Variants in LCMT1 observed in about 807,000 individuals in gnomAD.
The protein encoded by LCMT1 is leucine carboxyl methyltransferase 1.
LCMT1 carries 32 observed loss-of-function variants against 47.7 expected under a neutral mutation model. That is an observed-to-expected ratio of 0.67 (90% CI 0.51 to 0.90). The LOEUF (loss-of-function observed/expected upper bound fraction) is 0.90. Among genes scored for constraint, LCMT1 ranks in the 40% least tolerant of loss-of-function variants. The pLI is 0.00. For synonymous variants in LCMT1, 152 were observed against 149.7 expected, an observed-to-expected ratio of 1.02 and a Z score of -0.11; for missense variants, 375 against 415.2, an observed-to-expected ratio of 0.90 and a Z score of 0.84.
chr16:25,178,071 C>T lies in LCMT1; in HGVS notation c.*48C>T. The T allele has an allele frequency of 6.2e-7, 1 of 1,601,212 alleles. No individual in the cohort carries two copies. Among genetic ancestry groups the T allele is most frequent in the South Asian group, 1.1e-5 (1 of 90,346 alleles). On this transcript the variant is annotated 3_prime_UTR_variant, in exon 11 of 11. Transcript: ENST00000399069. ...CCAGAAGCCGAAGCCACTTGCCCTC[C>T]TGGAGGAGACCTGCAAGCTCCCTGA... is the stretch of plus-strand genomic sequence containing the variant.
intron 3 of LCMT1, among the ~76,000 whole-genome samples, chr16:25,135,294 T>A (rs1960471690): frequency 2.1e-5 from 2 of 93,330 alleles, no homozygotes; most frequent in African/African-American, 5.9e-5. Flanking sequence ...AATATATATC[T>A]ATATATATAT....
rs1961732710 is a variant in LCMT1, at chr16:25,170,710, T to C, written c.793-4T>C. The C allele has an allele frequency of 1.2e-6, 2 of 1,611,458 alleles. No individual in the cohort carries two copies. Among genetic ancestry groups the C allele is most frequent in the Non-Finnish European group, 8.5e-7 (1 of 1,178,112 alleles). ...TCTCCATTTCTCTTCGTTGCACATT[T>C]TAGAAAGAACGGCTCCTGTCGAATG... On this transcript the variant is annotated splice_region_variant and splice_polypyrimidine_tract_variant and intron_variant, in intron 8 of 10. Transcript: ENST00000399069.
chr16:25,160,954 G>T (rs1961412443), intron 5 of LCMT1, 148 bp from the exon 6 acceptor site: 1 of 608,252 alleles, frequency 1.6e-6, no homozygotes, highest in Non-Finnish European at 2.9e-6. Context: ...TGGAAGATAG[G>T]ATTTTGGTTA....
chr16:25,128,665 G>A (rs889930566), intron 2 of LCMT1, 99 bp downstream of exon 2: 23 of 818,528 alleles, frequency 2.8e-5, no homozygotes, highest in Non-Finnish European at 4.1e-5. Flanking sequence ...CTTTCCAGCT[G>A]TGCGCAAAAG....
At chr16:25,154,233 C>T (rs1417993973) in intron 5 of LCMT1, among the ~76,000 whole-genome samples, 1 of 151,466 alleles carries the variant, frequency 6.6e-6, no homozygotes, top group Admixed American at 6.6e-5. Flanking sequence ...AGGCTGGTCT[C>T]GAACTGCTAA....
chr16:25,139,964 C>T (rs1210677224), intron 3 of LCMT1: 24 of 545,468 alleles, frequency 4.4e-5, no homozygotes, highest in Non-Finnish European at 7.9e-5. Flanking sequence ...GCTGACTCCT[C>T]TGGCTTCCTG....
intron 1 of LCMT1, among the ~76,000 whole-genome samples, chr16:25,113,850 A>G (rs562444558): frequency 2.0e-5 from 3 of 152,282 alleles, no homozygotes; most frequent in African/African-American, 4.8e-5. Flanking sequence ...TGGCCAGGCT[A>G]GTTTCGAACT....
chr16:25,169,261 A>G, intron 8 of LCMT1, 48 bp downstream of exon 8: 1 of 1,197,068 alleles, frequency 8.4e-7, no homozygotes, highest in Non-Finnish European at 1.2e-6. Flanking sequence ...TAGTCAACCA[A>G]GATATATAAA....
At chr16:25,164,068 A>G (rs1397462957) in intron 6 of LCMT1, among the ~76,000 whole-genome samples, 14 of 152,166 alleles carry the variant, frequency 9.2e-5, no homozygotes, top group Non-Finnish European at 1.5e-5. Context: ...CTTCTCTTCC[A>G]CAGGTCTTCT....
chr16:25,129,301 GA>G (rs199746649), intron 2 of LCMT1, among the ~76,000 whole-genome samples: 5 of 138,284 alleles, frequency 3.6e-5, no homozygotes, highest in South Asian at 2.3e-4. Flanking sequence ...GAGTAAAAAA[GA>G]AAAAAAAAAG....
intron 2 of LCMT1, among the ~76,000 whole-genome samples, chr16:25,129,972 G>C (rs962446448): frequency 2.0e-5 from 3 of 152,074 alleles, no homozygotes; most frequent in Non-Finnish European, 4.4e-5. Flanking sequence ...TGTGAGACCT[G>C]GTAATTCTCA....
chr16:25,170,151 T>C (rs1961712948), intron 8 of LCMT1, among the ~76,000 whole-genome samples: 1 of 152,004 alleles, frequency 6.6e-6, no homozygotes, highest in Non-Finnish European at 1.5e-5. Flanking sequence ...ACCTGGGAGA[T>C]GGAGGTTGCA....
In LCMT1 at chr16:25,153,724, G is replaced by A. The variant is rs183400457; in HGVS notation, c.466+2109G>A. On this transcript the variant is annotated intron_variant, in intron 5 of 10. Coordinates refer to ENST00000399069, the MANE Select transcript of LCMT1 (RefSeq NM_016309.3). ...TCCCAGCATTTTGGGAGGCCGAGGC[G>A]GGTGGATCACCTGAGGTCAGGGGTT... is the stretch of plus-strand genomic sequence containing the variant. Among the ~76,000 whole-genome samples the A allele has an allele frequency of 5.1e-3, 778 of 152,086 alleles. 13 individuals are homozygous for A. Among genetic ancestry groups the A allele is most frequent in the African/African-American group, 0.018 (737 of 41,502 alleles).
At chr16:25,112,492 C>T (rs1207585594) in intron 1 of LCMT1, among the ~76,000 whole-genome samples, 8 of 152,204 alleles carry the variant, frequency 5.3e-5, no homozygotes, top group Non-Finnish European at 1.0e-4. Flanking sequence ...CACTAAGTCT[C>T]CACTGTTAAG....
At chr16:25,145,602 G>GA (rs1247035252) in intron 4 of LCMT1, 1 of 152,212 alleles carries the variant, frequency 6.6e-6, no homozygotes, top group African/African-American at 2.4e-5. Flanking sequence ...GGGTGGATGG[G>GA]AATGACTGCC....
chr16:25,127,592 C>G (rs1446289873), intron 1 of LCMT1, among the ~76,000 whole-genome samples: 1 of 152,152 alleles, frequency 6.6e-6, no homozygotes, highest in Non-Finnish European at 1.5e-5. Flanking sequence ...ACACCCATAC[C>G]CTTAATTTCA....
chr16:25,129,686 C>CTGGT (rs1263429983), intron 2 of LCMT1, among the ~76,000 whole-genome samples: 11 of 152,282 alleles, frequency 7.2e-5, no homozygotes, highest in African/African-American at 2.6e-4. Context: ...GACTTTTCCT[C>CTGGT]TGGTTGGTTG....
chr16:25,169,231 G>T lies in LCMT1; in HGVS notation c.792+18G>T. ...AGTCACAGGTCAGAGAGCAGGGACT[G>T]GGATATCCATTTGGACCCTTAGTCA... On this transcript the variant is annotated intron_variant, in intron 8 of 10. Transcript: ENST00000399069. The T allele has an allele frequency of 1.3e-6, 2 of 1,515,262 alleles. No individual in the cohort carries two copies. The highest frequency in any genetic ancestry group is 1.1e-5 in the South Asian group (1 of 89,018). 93.9% of individuals were successfully genotyped at this position (1,515,262 alleles called of 1,614,324 possible). A position where few individuals can be genotyped will look rare whatever the true frequency, so the allele number is the denominator to read the frequency against.
In LCMT1 at chr16:25,120,752, GT is replaced by G. The variant is rs377043606; in HGVS notation, c.114-7710del. On this transcript the variant is annotated intron_variant, in intron 1 of 10. Transcript: ENST00000399069. Reference sequence around the variant, plus strand: ...CCTTGTTTTTTTGTTTTTTTTTTTTGTTTTTTTTTTTTTGAGATGAGGTCTT... The same window carrying G: ...CCTTGTTTTTTTGTTTTTTTTTTTTGTTTTTTTTTTTTGAGATGAGGTCTT... 3.7e-3 allele frequency among the ~76,000 whole-genome samples: 428 copies of G among 114,448 alleles called. 1 individual carries two copies. Among genetic ancestry groups the G allele is most frequent in the Non-Finnish European group, 5.9e-3 (323 of 55,174 alleles). The allele number at this position is 114,448 out of a possible 152,430, so 75.1% of individuals were successfully genotyped here.
Sources: gnomAD v4.1 joint callset for allele counts (sites outside exome capture counted in the v4.1 genomes callset) on GRCh38, gnomAD v4.1.1 for gene constraint, MANE v1.5 for transcripts, NCBI Gene and HGNC (gene_info 2026-07-23, HGNC 2026-07-21) for gene names.